The following SLC39A10 variants were observed in gnomAD, a reference collection of about 807,000 sequenced individuals.
SLC39A10 encodes zinc transporter ZIP10.
Under a neutral mutation model 65.1 loss-of-function variants are expected in SLC39A10, and 13 were observed. The observed-to-expected ratio is 0.20, with a 90% CI of 0.13 to 0.32. SLC39A10 has a LOEUF of 0.32. Ranked by LOEUF, SLC39A10 falls within the 10% of genes least tolerant of loss-of-function variation. The probability of loss-of-function intolerance (pLI) is 1.00; values close to 1 mark genes in which losing one functional copy is unlikely to be tolerated. For missense variants in SLC39A10, 831 were observed against 1,018.4 expected, an observed-to-expected ratio of 0.82 and a Z score of 2.50; for synonymous variants, 321 against 342.2, an observed-to-expected ratio of 0.94 and a Z score of 0.68.
chr2:195,734,127 G>A (rs1483386587), intron 9 of SLC39A10, among the ~76,000 whole-genome samples: 5 of 143,850 alleles, frequency 3.5e-5, no homozygotes, highest in African/African-American at 1.3e-4. Flanking sequence ...TTTTGAATTA[G>A]GCCATTTCCC....
chr2:195,617,704 C>CTTTTA (rs769524272), intron 2 of SLC39A10, among the ~76,000 whole-genome samples: 3,432 of 138,058 alleles, frequency 0.025, 105 homozygotes, highest in African/African-American at 0.047. Flanking sequence ...GACCTTGTTT[C>CTTTTA]TTTTCTTTTC....
intron 1 of SLC39A10, among the ~76,000 whole-genome samples, chr2:195,678,988 A>G (rs1029833023): frequency 6.6e-6 from 1 of 152,170 alleles, no homozygotes; most frequent in African/African-American, 2.4e-5. Flanking sequence ...GTCCAATAGA[A>G]CTTTCTATAA....
At chr2:195,687,652 C>T (rs915792225) in intron 3 of SLC39A10, among the ~76,000 whole-genome samples, 1 of 152,116 alleles carries the variant, frequency 6.6e-6, no homozygotes, top group African/African-American at 2.4e-5. Flanking sequence ...AGAGATAATG[C>T]CCTGCTAGTA....
At chr2:195,716,590 C>T (rs765332720) in intron 6 of SLC39A10, 47 bp from the exon 7 acceptor site, 1 of 1,509,408 alleles carries the variant, frequency 6.6e-7, no homozygotes, top group Admixed American at 2.1e-5. Flanking sequence ...TAGCAAATAT[C>T]CATGCATTTA....
At chr2:195,695,218 G>C (rs1690902157) in intron 3 of SLC39A10, among the ~76,000 whole-genome samples, 1 of 152,216 alleles carries the variant, frequency 6.6e-6, no homozygotes, top group African/African-American at 2.4e-5. Flanking sequence ...AAGACCACCA[G>C]GTTGGGGTAG....
intron 7 of SLC39A10, among the ~76,000 whole-genome samples, chr2:195,717,708 C>T (rs1030320228): frequency 6.6e-6 from 1 of 152,124 alleles, no homozygotes; most frequent in Non-Finnish European, 1.5e-5. Flanking sequence ...GCATGAGCCA[C>T]CTGCTCAGCC....
At chr2:195,679,894 C>G in intron 1 of SLC39A10, 138 bp from the exon 2 acceptor site, 1 of 593,362 alleles carries the variant, frequency 1.7e-6, no homozygotes, top group South Asian at 3.6e-5. Flanking sequence ...TCACTTTTCT[C>G]TGGTTCTTAA....
intron 1 of SLC39A10, among the ~76,000 whole-genome samples, chr2:195,674,341 G>C (rs1689994415): frequency 6.6e-6 from 1 of 152,084 alleles, no homozygotes. Context: ...GCAATGGCAT[G>C]ATCTCGGCTC....
At chr2:195,661,054 A>G (rs1689375616) in intron 1 of SLC39A10, among the ~76,000 whole-genome samples, 1 of 152,166 alleles carries the variant, frequency 6.6e-6, no homozygotes, top group Non-Finnish European at 1.5e-5. Flanking sequence ...TGTGAATACT[A>G]TAATGAAACC....
At chr2:195,708,595 T>A in intron 4 of SLC39A10, 61 bp from the exon 5 acceptor site, 2 of 1,297,792 alleles carry the variant, frequency 1.5e-6, no homozygotes, top group Non-Finnish European at 2.1e-6. Context: ...TATTATAATT[T>A]CAAAATTTTA....
intron 1 of SLC39A10, among the ~76,000 whole-genome samples, chr2:195,671,085 C>T (rs1437326807): frequency 6.6e-6 from 1 of 152,204 alleles, no homozygotes; most frequent in Non-Finnish European, 1.5e-5. Context: ...TCTGCCCAGT[C>T]ACTCCCCACA....
At chr2:195,727,534 A>AG (rs1692288709) in intron 8 of SLC39A10, among the ~76,000 whole-genome samples, 1 of 35,870 alleles carries the variant, frequency 2.8e-5, no homozygotes, top group African/African-American at 7.0e-5. Flanking sequence ...TCTTTCTGGG[A>AG]AAAAAAAATA....
At chr2:195,654,431 C>T (rs1055755507), upstream of SLC39A10, among the ~76,000 whole-genome samples, 1 of 152,126 alleles carries the variant, frequency 6.6e-6, no homozygotes, top group African/African-American at 2.4e-5. Context: ...TTCAAATCCT[C>T]TGAGGGGCAA....
In SLC39A10 at chr2:195,736,520, C is replaced by CATCT. The variant is rs1250686878; in HGVS notation, c.*1481_*1484dup. 2 of 150,884 alleles carry CATCT rather than the reference C, an allele frequency of 1.3e-5. No homozygotes were observed. The highest frequency in any genetic ancestry group is 2.9e-5 in the Non-Finnish European group (2 of 67,956). The allele number at this position is 150,884 out of a possible 1,614,324, so 9.3% of individuals were successfully genotyped here. A position where few individuals can be genotyped will look rare whatever the true frequency, so the allele number is the denominator to read the frequency against. On this transcript the variant is annotated 3_prime_UTR_variant, in exon 10 of 10. Transcript: ENST00000359634. ...ATAAGAGCCAAACTCTTTTCCATTC[C>CATCT]ATCTAAAATGTTTTCATTTAGTACT...
At chr2:195,724,468 A>C (rs2105839364) in intron 8 of SLC39A10, among the ~76,000 whole-genome samples, 1 of 152,326 alleles carries the variant, frequency 6.6e-6, no homozygotes, top group Admixed American at 6.5e-5. Flanking sequence ...ACTACAACCA[A>C]GATAGATTTT....
At chr2:195,635,646 G>A (rs116060731) in intron 2 of SLC39A10, among the ~76,000 whole-genome samples, 2,308 of 150,398 alleles carry the variant, frequency 0.015, 18 homozygotes, top group Non-Finnish European at 0.024. Flanking sequence ...TCAAGTCACA[G>A]TATCCCTTAA....
intron 1 of SLC39A10, among the ~76,000 whole-genome samples, chr2:195,664,392 T>C (rs1689550325): frequency 6.6e-6 from 1 of 151,950 alleles, no homozygotes; most frequent in African/African-American, 2.4e-5. Context: ...AAATATACAC[T>C]AAAATATGGG....
intron 6 of SLC39A10, among the ~76,000 whole-genome samples, chr2:195,714,761 C>A (rs1422250029): frequency 6.6e-6 from 1 of 152,128 alleles, no homozygotes; most frequent in Non-Finnish European, 1.5e-5. Context: ...ATGCTACAAA[C>A]CTTTTTTTTG....
chr2:195,661,850 CTAAAAG>C (rs1411502477), intron 1 of SLC39A10, among the ~76,000 whole-genome samples: 1 of 152,144 alleles, frequency 6.6e-6, no homozygotes, highest in Non-Finnish European at 1.5e-5. Flanking sequence ...TTTTCACAAT[CTAAAAG>C]TAAATATTTT....
Sources: gnomAD v4.1 joint callset for allele counts (sites outside exome capture counted in the v4.1 genomes callset) on GRCh38, gnomAD v4.1.1 for gene constraint, MANE v1.5 for transcripts, NCBI Gene and HGNC (gene_info 2026-07-23, HGNC 2026-07-21) for gene names.